PALM2AKAP2: variants seen among roughly 807,000 people sequenced by gnomAD.
PALM2AKAP2 encodes PALM2 and AKAP2 fusion.
A neutral mutation model predicts 71.5 loss-of-function variants in PALM2AKAP2; 37 were observed. That is an observed-to-expected ratio of 0.52 (90% CI 0.40 to 0.68). The LOEUF (loss-of-function observed/expected upper bound fraction) is 0.68, where lower values mean the gene tolerates loss of function less well. Among genes scored for constraint, PALM2AKAP2 ranks in the 30% least tolerant of loss-of-function variants. The probability of loss-of-function intolerance (pLI) is 0.00; values close to 1 mark genes in which losing one functional copy is unlikely to be tolerated. For synonymous variants in PALM2AKAP2, 468 were observed against 478.8 expected, an observed-to-expected ratio of 0.98 and a Z score of 0.29; for missense variants, 1,224 against 1,191.8, an observed-to-expected ratio of 1.03 and a Z score of -0.40.
chr9:110,109,348 G>GAAAA (rs201144935), intron 1 of PALM2AKAP2, among the ~76,000 whole-genome samples: 4 of 107,232 alleles, frequency 3.7e-5, no homozygotes, highest in Admixed American at 9.4e-5. Flanking sequence ...CAGAAAGAAA[G>GAAAA]AAACATTTAA....
intron 1 of PALM2AKAP2, among the ~76,000 whole-genome samples, chr9:110,103,869 G>A (rs2118891100): frequency 6.6e-6 from 1 of 152,276 alleles, no homozygotes; most frequent in Admixed American, 6.5e-5. Context: ...TGCTATGTTG[G>A]CAAAAGATCC....
intron 3 of PALM2AKAP2, among the ~76,000 whole-genome samples, chr9:109,923,214 C>T (rs947971454): frequency 2.0e-5 from 3 of 152,142 alleles, no homozygotes; most frequent in African/African-American, 2.4e-5. Context: ...CTTCATTTCC[C>T]TTCTTTTTGG....
At chr9:109,972,298 C>T (rs1405687968) in intron 6 of PALM2AKAP2, among the ~76,000 whole-genome samples, 1 of 152,198 alleles carries the variant, frequency 6.6e-6, no homozygotes, top group Non-Finnish European at 1.5e-5. Context: ...ATTCTAGCTT[C>T]CCCAATACTA....
intron 1 of PALM2AKAP2, among the ~76,000 whole-genome samples, chr9:110,117,896 T>C (rs1322674234): frequency 6.6e-6 from 1 of 151,140 alleles, no homozygotes; most frequent in Admixed American, 6.6e-5. Context: ...GAGAGAACTA[T>C]AGAGAGAGGG....
intron 1 of PALM2AKAP2, among the ~76,000 whole-genome samples, chr9:109,765,809 G>A (rs771334387): frequency 1.8e-4 from 27 of 152,208 alleles, no homozygotes; most frequent in Non-Finnish European, 3.4e-4. Context: ...AGGTAATGCT[G>A]CTGCTGCTGT....
chr9:109,845,860 T>A (rs559430177), intron 1 of PALM2AKAP2, among the ~76,000 whole-genome samples: 1 of 152,330 alleles, frequency 6.6e-6, no homozygotes, highest in South Asian at 2.1e-4. Context: ...CATCATTCAT[T>A]TACTTATTGA....
At chr9:109,707,851 A>G (rs1306989492) in intron 1 of PALM2AKAP2, among the ~76,000 whole-genome samples, 3 of 152,188 alleles carry the variant, frequency 2.0e-5, no homozygotes, top group Non-Finnish European at 4.4e-5. Flanking sequence ...TGTGCCATCC[A>G]ATAAATGATC....
chr9:109,671,694 A>G (rs1051199018), intron 1 of PALM2AKAP2, among the ~76,000 whole-genome samples: 3 of 152,260 alleles, frequency 2.0e-5, no homozygotes, highest in Admixed American at 1.3e-4. Context: ...CAGTGTGGCT[A>G]TTTTAATGAT....
At chr9:109,687,809 A>G (rs1423334031) in intron 1 of PALM2AKAP2, among the ~76,000 whole-genome samples, 1 of 152,178 alleles carries the variant, frequency 6.6e-6, no homozygotes, top group African/African-American at 2.4e-5. Context: ...TGCCTTTCTC[A>G]CTAAGCTTAG....
intron 1 of PALM2AKAP2, among the ~76,000 whole-genome samples, chr9:109,657,170 GA>G (rs1228651164): frequency 6.6e-6 from 1 of 152,210 alleles, no homozygotes; most frequent in East Asian, 1.9e-4. Context: ...CATTTTGTAA[GA>G]AAAAAATTCT....
intron 1 of PALM2AKAP2, among the ~76,000 whole-genome samples, chr9:110,092,298 T>C (rs1432217815): frequency 6.6e-6 from 1 of 152,090 alleles, no homozygotes; most frequent in Non-Finnish European, 1.5e-5. Flanking sequence ...TGCCACCGCA[T>C]TCCAGTCTGA....
chr9:109,827,072 T>G (rs2131519216), intron 1 of PALM2AKAP2, among the ~76,000 whole-genome samples: 1 of 152,356 alleles, frequency 6.6e-6, no homozygotes, highest in Non-Finnish European at 1.5e-5. Context: ...CAAGTTAGTG[T>G]GTCACCATAG....
At chr9:109,851,965 A>G (rs1829033119) in intron 1 of PALM2AKAP2, among the ~76,000 whole-genome samples, 2 of 152,162 alleles carry the variant, frequency 1.3e-5, no homozygotes, top group Non-Finnish European at 2.9e-5. Context: ...TAGCCACGAG[A>G]AAGCAACATG....
At chr9:109,690,490 A>T (rs569089488) in intron 1 of PALM2AKAP2, among the ~76,000 whole-genome samples, 7 of 152,248 alleles carry the variant, frequency 4.6e-5, no homozygotes, top group Non-Finnish European at 1.0e-4. Flanking sequence ...AACTCTTTAT[A>T]ATTTTGAAAT....
intron 6 of PALM2AKAP2, among the ~76,000 whole-genome samples, chr9:110,012,398 T>C (rs1832900553): frequency 6.6e-6 from 1 of 152,216 alleles, no homozygotes; most frequent in Non-Finnish European, 1.5e-5. Flanking sequence ...CTTTCCCTCT[T>C]CTGACTGCAC....
intron 1 of PALM2AKAP2, among the ~76,000 whole-genome samples, chr9:110,135,164 A>AAAAAAAAAAAAATATATATATAT: frequency 7.7e-5 from 4 of 51,730 alleles, no homozygotes; most frequent in East Asian, 1.3e-3. Flanking sequence ...AAAAAAAAAA[A>AAAAAAAAAAAAATATATATATAT]ATATATAAAT....
At chr9:109,835,659 G>A (rs1167853878) in intron 1 of PALM2AKAP2, among the ~76,000 whole-genome samples, 1 of 152,138 alleles carries the variant, frequency 6.6e-6, no homozygotes, top group Non-Finnish European at 1.5e-5. Context: ...ACAGCACCTG[G>A]AAAATCGGGT....
intron 1 of PALM2AKAP2, among the ~76,000 whole-genome samples, chr9:110,112,694 A>G (rs1161374671): frequency 6.6e-6 from 1 of 152,228 alleles, no homozygotes; most frequent in Non-Finnish European, 1.5e-5. Flanking sequence ...CTTTGTATCT[A>G]CAAGAGGCAA....
At chr9:109,953,631 A>G (rs530707154) in intron 6 of PALM2AKAP2, among the ~76,000 whole-genome samples, 3 of 152,138 alleles carry the variant, frequency 2.0e-5, no homozygotes, top group East Asian at 3.9e-4. Context: ...AGGTCGGAAG[A>G]TAGAGACCAT....
Sources: gnomAD v4.1 joint callset for allele counts (sites outside exome capture counted in the v4.1 genomes callset) on GRCh38, gnomAD v4.1.1 for gene constraint, MANE v1.5 for transcripts, NCBI Gene and HGNC (gene_info 2026-07-23, HGNC 2026-07-21) for gene names.